ATF6: variants seen among roughly 807,000 people sequenced by gnomAD.
ATF6 encodes cyclic AMP-dependent transcription factor ATF-6 alpha.
ATF6 carries 53 observed loss-of-function variants against 83.6 expected under a neutral mutation model. The ratio of observed to expected loss-of-function variants is 0.63; its 90% confidence interval spans 0.51 to 0.80. ATF6 has a LOEUF of 0.80. Ranked by LOEUF, ATF6 falls within the 30% of genes least tolerant of loss-of-function variation. The pLI, the probability that ATF6 is intolerant of heterozygous loss-of-function variation, is 0.00. For missense variants in ATF6, 744 were observed against 797.9 expected, an observed-to-expected ratio of 0.93 and a Z score of 0.81; for synonymous variants, 288 against 285.8, an observed-to-expected ratio of 1.01 and a Z score of -0.08.
Position 161,958,623 on chromosome 1 carries a change from T to C in ATF6, c.1982T>C (p.Val661Ala). The C allele has an allele frequency of 6.2e-7, 1 of 1,613,494 alleles. No individual in the cohort carries two copies. The highest frequency in any genetic ancestry group is 1.3e-5 in the African/African-American group (1 of 74,910). The stretch of plus-strand genomic sequence containing the variant: ...CCCGCAGCCACAGAGGCAACCCACG[T>C]TGTCAGCACCATCCCTGAGTCATTA... ...SPPAATEATH[V>A]VSTIPESLQ The change falls in exon 16 of 16, where the codon GTT (valine) becomes GCT (alanine). Residue 661 changes from valine to alanine, a missense_variant. Coordinates refer to ENST00000367942, the MANE Select transcript of ATF6 (RefSeq NM_007348.4).
chr1:161,776,774 C>T (rs1431975513), intron 1 of ATF6, among the ~76,000 whole-genome samples: 1 of 152,144 alleles, frequency 6.6e-6, no homozygotes, highest in Non-Finnish European at 1.5e-5. Context: ...ATGTCATACT[C>T]ACTGCACATG....
At chr1:161,924,808 A>G (rs1193238243) in intron 15 of ATF6, among the ~76,000 whole-genome samples, 4 of 152,316 alleles carry the variant, frequency 2.6e-5, no homozygotes, top group Admixed American at 2.6e-4. Context: ...ATTAGGACAA[A>G]GAAAGATGCA....
At chr1:161,946,866 C>G (rs16830060) in intron 15 of ATF6, among the ~76,000 whole-genome samples, 1 of 152,184 alleles carries the variant, frequency 6.6e-6, no homozygotes, top group Non-Finnish European at 1.5e-5. Context: ...ACCCTTCATT[C>G]TCTGTTCTTA....
At chr1:161,837,852 G>C (rs542433433) in intron 9 of ATF6, among the ~76,000 whole-genome samples, 1 of 152,156 alleles carries the variant, frequency 6.6e-6, no homozygotes, top group Non-Finnish European at 1.5e-5. Flanking sequence ...ACTAGTCCAA[G>C]TATTCTATTT....
intron 7 of ATF6, among the ~76,000 whole-genome samples, chr1:161,807,913 T>C (rs1317602602): frequency 3.6e-5 from 5 of 137,394 alleles, no homozygotes; most frequent in Non-Finnish European, 7.7e-5. Flanking sequence ...AAAGTCTTGC[T>C]CTGTTGCCCA....
At chr1:161,835,613 A>G (rs1001167835) in intron 9 of ATF6, among the ~76,000 whole-genome samples, 1 of 152,224 alleles carries the variant, frequency 6.6e-6, no homozygotes, top group Non-Finnish European at 1.5e-5. Context: ...ATTAGATTAT[A>G]AGATAATGTA....
At chr1:161,817,583 T>G (rs2101779994) in intron 7 of ATF6, among the ~76,000 whole-genome samples, 1 of 152,264 alleles carries the variant, frequency 6.6e-6, no homozygotes, top group African/African-American at 2.4e-5. Flanking sequence ...TAGTTATTCT[T>G]CAGGGAAATT....
At chr1:161,879,708 C>T (rs1687286035) in intron 14 of ATF6, among the ~76,000 whole-genome samples, 1 of 152,004 alleles carries the variant, frequency 6.6e-6, no homozygotes, top group African/African-American at 2.4e-5. Flanking sequence ...ATTATTATAT[C>T]TTTATGCAGT....
intron 15 of ATF6, among the ~76,000 whole-genome samples, chr1:161,955,947 G>A (rs1688958288): frequency 6.6e-6 from 1 of 152,132 alleles, no homozygotes; most frequent in Non-Finnish European, 1.5e-5. Flanking sequence ...GGCTTAAGAT[G>A]ACAATGCCAT....
chr1:161,949,208 A>G (rs1248345356), intron 15 of ATF6, among the ~76,000 whole-genome samples: 1 of 152,206 alleles, frequency 6.6e-6, no homozygotes, highest in African/African-American at 2.4e-5. Context: ...GGCCATGTCT[A>G]CACAACCAAG....
chr1:161,895,227 A>C lies in ATF6; in HGVS notation c.1720-17069A>C, dbSNP rs145834366. Among the ~76,000 whole-genome samples the C allele has an allele frequency of 2.3e-3, 355 of 152,298 alleles. 3 individuals carry two copies. The highest frequency in any genetic ancestry group is 8.4e-3 in the African/African-American group (347 of 41,554). ...ACTCCAGCTTGGCTGACAGAGTGAG[A>C]ACCTGTGTCAAAAAAATAAATAAAT... is the stretch of plus-strand genomic sequence containing the variant. On this transcript the variant is annotated intron_variant, in intron 14 of 15. Transcript: ENST00000367942.
At chr1:161,898,420 G>C (rs549837240) in intron 14 of ATF6, among the ~76,000 whole-genome samples, 1 of 152,216 alleles carries the variant, frequency 6.6e-6, no homozygotes, top group South Asian at 2.1e-4. Context: ...AGTACCTATA[G>C]GCAGTTAGGC....
At chr1:161,939,841 A>G (rs1688610484) in intron 15 of ATF6, among the ~76,000 whole-genome samples, 2 of 152,204 alleles carry the variant, frequency 1.3e-5, no homozygotes, top group Non-Finnish European at 2.9e-5. Context: ...TTTAGGAAAT[A>G]TAGTCTTTAG....
Position 161,963,116 on chromosome 1 carries a change from T to TG in ATF6, c.*4463dup, listed in dbSNP as rs1175568606. The TG allele has an allele frequency of 6.6e-6, 1 of 152,202 alleles. No individual in the cohort carries two copies. Among genetic ancestry groups the TG allele is most frequent in the Non-Finnish European group, 1.5e-5 (1 of 68,028 alleles). 9.4% of individuals were successfully genotyped at this position (152,202 alleles called of 1,614,324 possible). A position where few individuals can be genotyped will look rare whatever the true frequency, so the allele number is the denominator to read the frequency against. On this transcript the variant is annotated 3_prime_UTR_variant, in exon 16 of 16. Transcript: ENST00000367942. ...AATACTAGACTACCCAAAAAGATGT[T>TG]GCCAGAATCCAAAAGGAACTATGCT...
At chr1:161,887,797 A>G (rs1248022134) in intron 14 of ATF6, among the ~76,000 whole-genome samples, 1 of 152,200 alleles carries the variant, frequency 6.6e-6, no homozygotes, top group Non-Finnish European at 1.5e-5. Context: ...AAGTATTCCT[A>G]AAAGAAGAGT....
chr1:161,819,038 A>G lies in ATF6; in HGVS notation c.910-595A>G, dbSNP rs896793267. ...AGAGAGAAAGTAATTACTGAGACAC[A>G]TTTTCACTGGAATAAATTTGGTCAT... is the stretch of plus-strand genomic sequence containing the variant. On this transcript the variant is annotated intron_variant, in intron 7 of 15. Transcript: ENST00000367942. Among the ~76,000 whole-genome samples the G allele has an allele frequency of 3.9e-4, 59 of 152,184 alleles. 1 individual carries two copies. The highest frequency in any genetic ancestry group is 1.4e-3 in the African/African-American group (57 of 41,442).
rs1557995369 is a variant in ATF6, at chr1:161,851,739, C to T, written c.1337C>T (p.Ser446Leu). 6.2e-7 allele frequency: 1 copy of T among 1,613,288 alleles called. No individual in the cohort carries two copies. Among genetic ancestry groups the T allele is most frequent in the Non-Finnish European group, 8.5e-7 (1 of 1,179,474 alleles). The stretch of plus-strand genomic sequence containing the variant: ...TGTTTCAGATATGATCATTCTGTTT[C>T]AAATGACAAAGCCCTGATGGTGCTA... ...KNSYRYDHSV[S>L]NDKALMVLTE... is the part of the protein sequence containing the mutation. Residue 446 changes from serine (S) to leucine (L), a missense_variant, in exon 11 of 16, where the codon TCA becomes TTA. By Grantham distance (145) the Ser-to-Leu change is moderately radical (BLOSUM62 -2). Transcript: ENST00000367942.
Position 161,885,740 on chromosome 1 carries a change from T to C in ATF6, c.1719+22428T>C, listed in dbSNP as rs537028940. ...CAGTAGATGTTCATTGAACACTTAC[T>C]GTTACCAGGCACTGTGCTACCATAG... On this transcript the variant is annotated intron_variant, in intron 14 of 15. Coordinates refer to ENST00000367942, the MANE Select transcript of ATF6 (RefSeq NM_007348.4). 1.8e-4 allele frequency among the ~76,000 whole-genome samples: 28 copies of C among 152,314 alleles called. No individual in the cohort carries two copies. In the South Asian group the frequency reaches 5.8e-3, roughly 32 times the overall value.
chr1:161,841,198 A>G (rs774686417), intron 9 of ATF6, among the ~76,000 whole-genome samples: 2 of 152,190 alleles, frequency 1.3e-5, no homozygotes, highest in East Asian at 1.9e-4. Context: ...ATTCCTTTCA[A>G]TATTTGTGAT....
Sources: gnomAD v4.1 joint callset for allele counts (sites outside exome capture counted in the v4.1 genomes callset) on GRCh38, gnomAD v4.1.1 for gene constraint, MANE v1.5 for transcripts, NCBI Gene and HGNC (gene_info 2026-07-23, HGNC 2026-07-21) for gene names.